The following XKR4 variants were observed in gnomAD, a reference collection of about 807,000 sequenced individuals.
XKR4 encodes XK related 4, also known as XK-related protein 4.
A neutral mutation model predicts 53.9 loss-of-function variants in XKR4; 12 were observed. The observed-to-expected ratio is 0.22, with a 90% confidence interval of 0.14 to 0.36. XKR4 has a LOEUF of 0.36. XKR4 is among the 10% of genes least tolerant of loss of function. The pLI is 1.00. For missense variants in XKR4, 799 were observed against 859.5 expected (o/e 0.93, Z 0.88); for synonymous variants, 354 against 362.4 (o/e 0.98, Z 0.26).
intron 1 of XKR4, among the ~76,000 whole-genome samples, chr8:55,193,691 A>T (rs1817471717): frequency 6.6e-6 from 1 of 152,236 alleles, no homozygotes; most frequent in South Asian, 2.1e-4. Context: ...AATCTGAAGC[A>T]ATACAGGAGA....
rs937753080 is a variant in XKR4 at position 55,449,904 on chromosome 8, G to C, written c.1007-73377G>C. ...TGCTGCCGCAGGCAGCCTGGCGGGA[G>C]CCAGATGCGGTCGAGCCTCTATTCT... On this transcript the variant is annotated intron_variant, in intron 2 of 2. Coordinates refer to ENST00000327381, the MANE Select transcript of XKR4 (RefSeq NM_052898.2). 1.0e-5 allele frequency: 9 copies of C among 880,310 alleles called. 1 individual carries two copies. The Admixed American group carries it at 1.5e-4, about 15-fold the overall frequency. 54.5% of individuals were successfully genotyped at this position (880,310 alleles called of 1,614,324 possible).
At chr8:55,516,029 C>T (rs113369153) in intron 2 of XKR4, among the ~76,000 whole-genome samples, 2,929 of 152,264 alleles carry the variant, frequency 0.019, 92 homozygotes, top group African/African-American at 0.066. Flanking sequence ...TGAGTGTGGG[C>T]AAGTCATTTA....
intron 2 of XKR4, among the ~76,000 whole-genome samples, chr8:55,500,314 T>A (rs1806419071): frequency 6.6e-6 from 1 of 152,166 alleles, no homozygotes; most frequent in African/African-American, 2.4e-5. Context: ...GTGTAAGATA[T>A]CTTCACCAGT....
chr8:55,400,567 T>C (rs1257015273), intron 2 of XKR4, among the ~76,000 whole-genome samples: 8 of 152,090 alleles, frequency 5.3e-5, no homozygotes, highest in Admixed American at 5.2e-4. Flanking sequence ...GGAGTCCAAG[T>C]GGCTTGAGGA....
intron 2 of XKR4, chr8:55,450,891 A>T: frequency 2.1e-6 from 1 of 474,960 alleles, no homozygotes. Flanking sequence ...CAGCACCGAC[A>T]CCTGCAGCAG....
At chr8:55,245,162 C>A (rs1818268428) in intron 1 of XKR4, among the ~76,000 whole-genome samples, 1 of 152,104 alleles carries the variant, frequency 6.6e-6, no homozygotes, top group East Asian at 1.9e-4. Context: ...CCACCTCAGC[C>A]TCCCAAAGTG....
intron 2 of XKR4, among the ~76,000 whole-genome samples, chr8:55,463,754 G>C (rs906386361): frequency 6.6e-6 from 1 of 151,926 alleles, no homozygotes; most frequent in Non-Finnish European, 1.5e-5. Flanking sequence ...AGAAAAGAGA[G>C]AAGAATCAAA....
intron 1 of XKR4, among the ~76,000 whole-genome samples, chr8:55,253,343 A>ACAAAGG: frequency 6.6e-6 from 1 of 152,356 alleles, no homozygotes; most frequent in East Asian, 1.9e-4. Flanking sequence ...CTTTACAAAG[A>ACAAAGG]CGATGGATTT....
intron 1 of XKR4, among the ~76,000 whole-genome samples, chr8:55,340,509 CA>C (rs1803528568): frequency 6.6e-6 from 1 of 152,158 alleles, no homozygotes; most frequent in Admixed American, 6.5e-5. Flanking sequence ...GTAATTTGAG[CA>C]AATACCTGTT....
intron 1 of XKR4, among the ~76,000 whole-genome samples, chr8:55,271,451 G>A (rs1297845512): frequency 3.9e-5 from 6 of 152,118 alleles, no homozygotes; most frequent in Admixed American, 1.3e-4. Context: ...TAAGAGAGAA[G>A]GCAGAGAAGG....
chr8:55,484,176 T>C (rs916519542), intron 2 of XKR4, among the ~76,000 whole-genome samples: 19 of 152,158 alleles, frequency 1.2e-4, no homozygotes, highest in Non-Finnish European at 1.8e-4. Flanking sequence ...ATGAAGAATA[T>C]TGAATTAATA....
At chr8:55,235,665 CT>C (rs1273300951) in intron 1 of XKR4, among the ~76,000 whole-genome samples, 2 of 152,150 alleles carry the variant, frequency 1.3e-5, no homozygotes, top group Non-Finnish European at 2.9e-5. Context: ...GACCTACAAA[CT>C]ATCCACCTTT....
intron 1 of XKR4, among the ~76,000 whole-genome samples, chr8:55,240,140 G>A (rs1428194424): frequency 1.3e-5 from 2 of 152,198 alleles, no homozygotes; most frequent in Non-Finnish European, 2.9e-5. Flanking sequence ...CATAGTTGAT[G>A]TGCAGGCAAC....
chr8:55,470,636 T>C (rs1275915891), intron 2 of XKR4, among the ~76,000 whole-genome samples: 1 of 152,118 alleles, frequency 6.6e-6, no homozygotes, highest in Non-Finnish European at 1.5e-5. Context: ...CAAAATCAAA[T>C]TTTTTAAAGC....
chr8:55,254,590 A>G (rs142985066), intron 1 of XKR4, among the ~76,000 whole-genome samples: 1 of 152,180 alleles, frequency 6.6e-6, no homozygotes, highest in East Asian at 1.9e-4. Flanking sequence ...TCGATCTCAG[A>G]ACTGCACCTA....
At position 55,539,140 on chromosome 8, in the gene XKR4, G is replaced by A. The variant is rs533988586; in HGVS notation, c.*14913G>A. On this transcript the variant is annotated 3_prime_UTR_variant, in exon 3 of 3. Transcript: ENST00000327381. ...ATTTAATCCTGATAAGAACTAATGT[G>A]AAATAACATCATTTTGGTTTATAAA... 3.9e-5 allele frequency: 6 copies of A among 152,262 alleles called. No homozygotes were observed. Among genetic ancestry groups the A allele is most frequent in the African/African-American group, 1.4e-4 (6 of 41,542 alleles). 9.4% of individuals were successfully genotyped at this position (152,262 alleles called of 1,614,324 possible). A position where few individuals can be genotyped will look rare whatever the true frequency, so the allele number is the denominator to read the frequency against.
intron 1 of XKR4, among the ~76,000 whole-genome samples, chr8:55,187,513 G>T (rs1817396117): frequency 6.6e-6 from 1 of 152,194 alleles, no homozygotes; most frequent in Admixed American, 6.5e-5. Context: ...GGTGAGTCAA[G>T]TCGACCAGTG....
intron 2 of XKR4, among the ~76,000 whole-genome samples, chr8:55,370,065 A>G (rs767273506): frequency 1.2e-4 from 19 of 152,278 alleles, no homozygotes; most frequent in Non-Finnish European, 2.6e-4. Flanking sequence ...CATCTGTAGG[A>G]AAAACAACAA....
chr8:55,159,140 C>T (rs80116520), intron 1 of XKR4, among the ~76,000 whole-genome samples: 4,622 of 152,114 alleles, frequency 0.03, 181 homozygotes, highest in East Asian at 0.12. Flanking sequence ...GTTTGTGTCA[C>T]CTCTGACTAT....
Sources: gnomAD v4.1 joint callset for allele counts (sites outside exome capture counted in the v4.1 genomes callset) on GRCh38, gnomAD v4.1.1 for gene constraint, MANE v1.5 for transcripts, NCBI Gene and HGNC (gene_info 2026-07-23, HGNC 2026-07-21) for gene names.